BTRC: variants seen among roughly 807,000 people sequenced by gnomAD.
The protein encoded by BTRC is beta-transducin repeat containing E3 ubiquitin protein ligase.
BTRC carries 42 observed loss-of-function variants against 85.5 expected under a neutral mutation model. That is an observed-to-expected ratio of 0.49 (90% confidence interval 0.38 to 0.64). The LOEUF (loss-of-function observed/expected upper bound fraction) is 0.64, where lower values mean the gene tolerates loss of function less well. Ranked by LOEUF, BTRC falls within the 30% of genes least tolerant of loss-of-function variation. The pLI, the probability that BTRC is intolerant of heterozygous loss-of-function variation, is 0.00. For synonymous variants in BTRC, 255 were observed against 263.3 expected (o/e 0.97, Z 0.30); for missense variants, 594 against 743.5 (o/e 0.80, Z 2.34).
intron 1 of BTRC, among the ~76,000 whole-genome samples, chr10:101,382,272 C>T (rs573845205): frequency 2.0e-5 from 3 of 151,826 alleles, no homozygotes; most frequent in South Asian, 4.2e-4. Context: ...CATGAGCCAC[C>T]GCGTCCGGCC....
chr10:101,521,273 C>G (rs2062100482), intron 4 of BTRC, among the ~76,000 whole-genome samples: 1 of 151,668 alleles, frequency 6.6e-6, no homozygotes, highest in Admixed American at 6.6e-5. Flanking sequence ...GACCTTGTCT[C>G]AAAAAAAAGT....
intron 2 of BTRC, among the ~76,000 whole-genome samples, chr10:101,450,684 T>C (rs767756394): frequency 2.8e-4 from 42 of 152,170 alleles, no homozygotes; most frequent in South Asian, 2.1e-4. Context: ...AAATAACTGT[T>C]AGTGCTGCCC....
Position 101,460,214 on chromosome 10 carries a change from T to C in BTRC, c.157-1767T>C, listed in dbSNP as rs1945188048. 2.0e-5 allele frequency among the ~76,000 whole-genome samples: 3 copies of C among 151,870 alleles called. No homozygotes were observed. In the South Asian group the frequency reaches 6.2e-4, roughly 32 times the overall value. On this transcript the variant is annotated intron_variant, in intron 2 of 14. Coordinates refer to ENST00000370187, the MANE Select transcript of BTRC (RefSeq NM_033637.4). Reference sequence around the variant, plus strand: ...GCATTTAATTTTGGTATTTAAAACATTGATCTTTACATTTAAAAAAAAAAA... The same window carrying C: ...GCATTTAATTTTGGTATTTAAAACACTGATCTTTACATTTAAAAAAAAAAA...
intron 4 of BTRC, among the ~76,000 whole-genome samples, chr10:101,513,524 A>G (rs983805753): frequency 1.3e-5 from 2 of 152,198 alleles, no homozygotes; most frequent in Non-Finnish European, 2.9e-5. Context: ...TCATACGAGT[A>G]GAATCATAAT....
At chr10:101,483,837 CT>C (rs1945911221) in intron 4 of BTRC, among the ~76,000 whole-genome samples, 1 of 152,104 alleles carries the variant, frequency 6.6e-6, no homozygotes, top group Admixed American at 6.5e-5. Flanking sequence ...GTGCTTATTA[CT>C]TGTCAACCTT....
At chr10:101,419,627 G>A (rs908184423) in intron 1 of BTRC, among the ~76,000 whole-genome samples, 3 of 152,160 alleles carry the variant, frequency 2.0e-5, no homozygotes, top group African/African-American at 7.2e-5. Flanking sequence ...AGGCAATAGA[G>A]TCTGTTAGCA....
At chr10:101,463,654 G>A (rs958907122) in intron 3 of BTRC, among the ~76,000 whole-genome samples, 7 of 152,018 alleles carry the variant, frequency 4.6e-5, no homozygotes, top group Admixed American at 4.6e-4. Context: ...ACCCTGTAAA[G>A]TTTTTAGATA....
At chr10:101,389,117 GTGTTTTTTTTTTTTTTTT>G (rs1389179895) in intron 1 of BTRC, among the ~76,000 whole-genome samples, 1 of 53,046 alleles carries the variant, frequency 1.9e-5, no homozygotes, top group Non-Finnish European at 3.5e-5. Flanking sequence ...TTTTTTGTGT[GTGTTTTTTTTTTTTTTTT>G]TTTTTTTTTT....
intron 2 of BTRC, among the ~76,000 whole-genome samples, chr10:101,451,564 A>G (rs1409536615): frequency 6.6e-6 from 1 of 152,186 alleles, no homozygotes; most frequent in Non-Finnish European, 1.5e-5. Context: ...TTAAAGCAGT[A>G]GTGTGTTTTA....
chr10:101,458,733 A>G (rs1404256884), intron 2 of BTRC, among the ~76,000 whole-genome samples: 1 of 152,160 alleles, frequency 6.6e-6, no homozygotes, highest in Admixed American at 6.5e-5. Context: ...ATGTTTTCTT[A>G]TAAGTAGATT....
At chr10:101,505,155 A>ATATATG (rs1946496867) in intron 4 of BTRC, among the ~76,000 whole-genome samples, 4 of 104,382 alleles carry the variant, frequency 3.8e-5, no homozygotes, top group African/African-American at 9.2e-5. Context: ...ATATATGTAT[A>ATATATG]TGTATATATA....
intron 2 of BTRC, among the ~76,000 whole-genome samples, chr10:101,438,448 A>AAAG (rs1944594518): frequency 7.1e-6 from 1 of 140,598 alleles, no homozygotes; most frequent in Admixed American, 7.3e-5. Context: ...AAAAAAAAAA[A>AAAG]AAGTCTTCTC....
At chr10:101,409,799 A>G (rs1211122539) in intron 1 of BTRC, among the ~76,000 whole-genome samples, 1 of 152,182 alleles carries the variant, frequency 6.6e-6, no homozygotes, top group Non-Finnish European at 1.5e-5. Flanking sequence ...GAATTTGTTT[A>G]TCTGTTTATT....
intron 1 of BTRC, chr10:101,364,770 C>T (rs1447194431): frequency 1.3e-5 from 2 of 151,212 alleles, no homozygotes; most frequent in African/African-American, 2.4e-5. Flanking sequence ...TGAAAATATA[C>T]TAGTAAATAC....
intron 3 of BTRC, among the ~76,000 whole-genome samples, chr10:101,468,915 T>C (rs1290299231): frequency 1.3e-5 from 2 of 152,200 alleles, no homozygotes; most frequent in East Asian, 3.8e-4. Context: ...TCCTATGTCA[T>C]TGAATCCATT....
chr10:101,387,161 A>G (rs1478973353), intron 1 of BTRC, among the ~76,000 whole-genome samples: 1 of 152,064 alleles, frequency 6.6e-6, no homozygotes, highest in Non-Finnish European at 1.5e-5. Flanking sequence ...TCTTATTCAT[A>G]TAGCTTTTTT....
chr10:101,357,169 G>A (rs1423217522), intron 1 of BTRC, among the ~76,000 whole-genome samples: 7 of 150,462 alleles, frequency 4.7e-5, no homozygotes, highest in African/African-American at 7.3e-5. Context: ...TTGGCCAGGC[G>A]TGGTGGCTCA....
intron 13 of BTRC, among the ~76,000 whole-genome samples, chr10:101,538,712 A>G (rs1053391942): frequency 6.6e-6 from 1 of 152,080 alleles, no homozygotes; most frequent in Non-Finnish European, 1.5e-5. Context: ...TCAAATTGGA[A>G]CCTGTCCAAA....
At chr10:101,537,907 T>C (rs555207355) in intron 12 of BTRC, among the ~76,000 whole-genome samples, 4 of 152,318 alleles carry the variant, frequency 2.6e-5, no homozygotes, top group East Asian at 3.9e-4. Flanking sequence ...GCTACACTTA[T>C]CTTATTTAAA....
Sources: allele counts gnomAD v4.1 joint callset (sites outside exome capture counted in the v4.1 genomes callset), GRCh38; gene constraint gnomAD v4.1.1; transcripts MANE v1.5; gene names NCBI Gene and HGNC (gene_info 2026-07-23, HGNC 2026-07-21).